The following CPQ variants were observed in gnomAD, a reference collection of about 807,000 sequenced individuals.
CPQ encodes the protein Ser-Met dipeptidase.
A neutral mutation model predicts 45.7 loss-of-function variants in CPQ; 37 were observed. The observed-to-expected ratio is 0.81, with a 90% CI of 0.62 to 1.07. CPQ has a LOEUF of 1.07. Among genes scored for constraint, CPQ ranks in the 50% least tolerant of loss-of-function variants. The probability of loss-of-function intolerance (pLI) is 0.00; values close to 1 mark genes in which losing one functional copy is unlikely to be tolerated. For missense variants in CPQ, 537 were observed against 572.9 expected (o/e 0.94, Z 0.64); for synonymous variants, 186 against 205.8 (o/e 0.90, Z 0.82).
intron 7 of CPQ, among the ~76,000 whole-genome samples, chr8:97,097,561 T>TGTAA (rs1811229702): frequency 6.6e-6 from 1 of 152,128 alleles, no homozygotes; most frequent in African/African-American, 2.4e-5. Context: ...GCCTCTGTCG[T>TGTAA]GTAAGTAATG....
At chr8:97,099,992 A>G (rs1264916822) in intron 7 of CPQ, among the ~76,000 whole-genome samples, 1 of 152,214 alleles carries the variant, frequency 6.6e-6, no homozygotes, top group Non-Finnish European at 1.5e-5. Flanking sequence ...AGGCAACCAC[A>G]TTATTGATTT....
intron 5 of CPQ, among the ~76,000 whole-genome samples, chr8:96,992,623 A>G (rs1236833802): frequency 6.6e-6 from 1 of 152,128 alleles, no homozygotes; most frequent in Non-Finnish European, 1.5e-5. Flanking sequence ...TCTTCAAGGG[A>G]TGTTGTGATG....
At chr8:96,737,198 A>G (rs1481172723) in intron 1 of CPQ, among the ~76,000 whole-genome samples, 2 of 148,944 alleles carry the variant, frequency 1.3e-5, no homozygotes, top group Non-Finnish European at 3.0e-5. Context: ...TGTATTAGTC[A>G]GGGTTCTCTT....
At chr8:96,789,197 T>C (rs1330588967) in intron 2 of CPQ, among the ~76,000 whole-genome samples, 2 of 152,220 alleles carry the variant, frequency 1.3e-5, no homozygotes, top group Non-Finnish European at 2.9e-5. Context: ...GGTTGTACTT[T>C]ATTGTATCTT....
rs7833214 is a variant in CPQ, at chr8:96,884,790, G to T, written c.849+4785G>T. Among the ~76,000 whole-genome samples the T allele has an allele frequency of 4.6e-3, 708 of 152,304 alleles. 6 individuals are homozygous for T. Among genetic ancestry groups the T allele is most frequent in the African/African-American group, 0.016 (676 of 41,566 alleles). On this transcript the variant is annotated intron_variant, in intron 4 of 7. Transcript: ENST00000220763. ...TTTTAAGTTATCAGTAATGCTAACA[G>T]TAACTTAAAAGTTGGTTTTTATAAT...
At chr8:97,098,731 T>G (rs1017001617) in intron 7 of CPQ, among the ~76,000 whole-genome samples, 3 of 152,136 alleles carry the variant, frequency 2.0e-5, no homozygotes, top group African/African-American at 7.2e-5. Flanking sequence ...CTGGAGGAAG[T>G]CTGTTCTCCA....
chr8:96,706,318 T>C (rs1054833407), intron 1 of CPQ, among the ~76,000 whole-genome samples: 4 of 152,192 alleles, frequency 2.6e-5, no homozygotes, highest in African/African-American at 9.6e-5. Flanking sequence ...TCTATTATAC[T>C]GTGTGTTGCT....
At position 96,965,997 on chromosome 8, in the gene CPQ, C is replaced by T. The variant is rs369433276; in HGVS notation, c.912C>T (p.Gly304=). The T allele has an allele frequency of 6.8e-5, 110 of 1,613,870 alleles. 5 individuals carry two copies. In the South Asian group the frequency reaches 1.0e-3, roughly 15 times the overall value. The change falls in exon 5 of 8, where the codon GGC becomes GGT. Residue 304 remains glycine (G), a synonymous_variant. Coordinates refer to ENST00000220763, the MANE Select transcript of CPQ (RefSeq NM_016134.4). ...TTGGGCAGGGTGCCATGGATGATGG[C>T]GGTGGAGCCTTTATATCATGGGAAG... ...WDVGQGAMDD[G]GGAFISWEAL... is the part of the protein sequence containing the mutation.
intron 7 of CPQ, among the ~76,000 whole-genome samples, chr8:97,084,476 C>T (rs1386141028): frequency 6.6e-6 from 1 of 152,102 alleles, no homozygotes; most frequent in East Asian, 1.9e-4. Context: ...CAGTTTAGCA[C>T]AATTAAGCAG....
At chr8:96,989,967 G>A (rs970690969) in intron 5 of CPQ, among the ~76,000 whole-genome samples, 1 of 152,126 alleles carries the variant, frequency 6.6e-6, no homozygotes, top group African/African-American at 2.4e-5. Context: ...AGGGCTCTCT[G>A]TAGTATTCTG....
chr8:96,774,856 C>T (rs1021481500), intron 1 of CPQ, among the ~76,000 whole-genome samples: 3 of 152,042 alleles, frequency 2.0e-5, no homozygotes, highest in Admixed American at 1.3e-4. Flanking sequence ...ATTATGGATC[C>T]CCAAGAAGCA....
intron 4 of CPQ, among the ~76,000 whole-genome samples, chr8:96,907,124 G>A (rs1024274319): frequency 6.6e-6 from 1 of 152,152 alleles, no homozygotes. Flanking sequence ...AAGTATAGCT[G>A]CTGTAACAGA....
intron 3 of CPQ, among the ~76,000 whole-genome samples, chr8:96,859,284 CTT>C (rs1180374198): frequency 6.6e-6 from 1 of 152,214 alleles, no homozygotes; most frequent in Admixed American, 6.5e-5. Flanking sequence ...TGCAGAATAT[CTT>C]GTCTGCTTTT....
rs367718453 is a variant in CPQ, at chr8:96,650,287, G to T, written c.-35+4885G>T. ...GGTAATGATTCGGAGAAATTTTTCAGAGAATTTAAGGAATTCTATGACAAA... is the reference window on the plus strand; with the variant it reads ...GGTAATGATTCGGAGAAATTTTTCATAGAATTTAAGGAATTCTATGACAAA... On this transcript the variant is annotated intron_variant, in intron 1 of 7. Coordinates refer to ENST00000220763, the MANE Select transcript of CPQ (RefSeq NM_016134.4). Among the ~76,000 whole-genome samples, 9 of 152,306 alleles carry T rather than the reference G, an allele frequency of 5.9e-5. No homozygotes were observed. In the East Asian group the frequency reaches 1.5e-3, roughly 26 times the overall value.
intron 1 of CPQ, among the ~76,000 whole-genome samples, chr8:96,743,944 GC>G (rs1265394055): frequency 1.3e-5 from 2 of 152,136 alleles, no homozygotes; most frequent in Non-Finnish European, 2.9e-5. Context: ...TCTGTGCCCT[GC>G]CCCCAGAGGT....
At chr8:96,960,947 G>A (rs1396816603) in intron 4 of CPQ, among the ~76,000 whole-genome samples, 2 of 151,778 alleles carry the variant, frequency 1.3e-5, no homozygotes, top group African/African-American at 2.4e-5. Flanking sequence ...ACAATGTATC[G>A]ATTCTACTGA....
intron 4 of CPQ, among the ~76,000 whole-genome samples, chr8:96,880,504 A>C (rs1476408257): frequency 1.4e-5 from 2 of 138,990 alleles, no homozygotes; most frequent in East Asian, 4.2e-4. Flanking sequence ...CTGGCTAAAA[A>C]ACAAATATAT....
intron 6 of CPQ, among the ~76,000 whole-genome samples, chr8:97,060,740 G>A (rs1485791301): frequency 6.6e-6 from 1 of 152,202 alleles, no homozygotes; most frequent in South Asian, 2.1e-4. Context: ...AAATGAGTTG[G>A]GTGAAATGAG....
intron 4 of CPQ, among the ~76,000 whole-genome samples, chr8:96,913,107 G>A (rs539383009): frequency 6.6e-6 from 1 of 152,198 alleles, no homozygotes; most frequent in East Asian, 1.9e-4. Flanking sequence ...TATTCTAGGG[G>A]GAAAGGTCCC....
Sources: gnomAD v4.1 joint callset for allele counts (sites outside exome capture counted in the v4.1 genomes callset) on GRCh38, gnomAD v4.1.1 for gene constraint, MANE v1.5 for transcripts, NCBI Gene and HGNC (gene_info 2026-07-23, HGNC 2026-07-21) for gene names.